The following RBFOX3 variants were observed in gnomAD, a reference collection of about 807,000 sequenced individuals.
RBFOX3 encodes the protein RNA binding fox-1 homolog 3, also known as RNA binding protein fox-1 homolog 3.
A neutral mutation model predicts 48.7 loss-of-function variants in RBFOX3; 17 were observed. The ratio of observed to expected loss-of-function variants is 0.35; its 90% CI spans 0.24 to 0.52. The LOEUF is 0.52. RBFOX3 is among the 20% of genes least tolerant of loss of function. RBFOX3 has a pLI of 0.94. For synonymous variants in RBFOX3, 212 were observed against 209.5 expected (o/e 1.01, Z -0.10); for missense variants, 382 against 497.5 (o/e 0.77, Z 2.21).
At chr17:79,324,839 G>A (rs933545092) in intron 2 of RBFOX3, among the ~76,000 whole-genome samples, 2 of 152,194 alleles carry the variant, frequency 1.3e-5, no homozygotes, top group African/African-American at 2.4e-5. Context: ...TCAGCCTCTG[G>A]GCAGGCAGAG....
intron 1 of RBFOX3, among the ~76,000 whole-genome samples, chr17:79,521,800 C>G (rs980279550): frequency 1.3e-5 from 2 of 152,246 alleles, no homozygotes; most frequent in Non-Finnish European, 2.9e-5. Flanking sequence ...CAAAAACACA[C>G]AGTCACACAT....
the RBFOX3 span, among the ~76,000 whole-genome samples, chr17:79,616,978 G>A: frequency 6.6e-6 from 1 of 152,136 alleles, no homozygotes; most frequent in East Asian, 1.9e-4. Flanking sequence ...GAAGAGAGGT[G>A]TTCGGCCCTC....
At chr17:79,342,127 G>C (rs778234166) in intron 2 of RBFOX3, among the ~76,000 whole-genome samples, 1 of 152,210 alleles carries the variant, frequency 6.6e-6, no homozygotes, top group Non-Finnish European at 1.5e-5. Context: ...CTCGTGTTTA[G>C]GGCCTTTGCT....
intron 3 of RBFOX3, among the ~76,000 whole-genome samples, chr17:79,304,105 T>C (rs990421271): frequency 2.6e-5 from 4 of 152,172 alleles, no homozygotes; most frequent in African/African-American, 9.6e-5. Flanking sequence ...CTAACTCCTG[T>C]TTGGAAAATT....
At chr17:79,468,120 A>G (rs1004444784) in intron 2 of RBFOX3, among the ~76,000 whole-genome samples, 1 of 152,152 alleles carries the variant, frequency 6.6e-6, no homozygotes, top group Non-Finnish European at 1.5e-5. Context: ...GCCAGGAAAC[A>G]TGACTTTGAC....
intron 4 of RBFOX3, among the ~76,000 whole-genome samples, chr17:79,130,886 T>C (rs1213609534): frequency 6.6e-6 from 1 of 152,200 alleles, no homozygotes; most frequent in East Asian, 1.9e-4. Flanking sequence ...AAATTCCTCA[T>C]CAGTGAAGAT....
the RBFOX3 span, among the ~76,000 whole-genome samples, chr17:79,620,579 A>C: frequency 1.1e-4 from 10 of 88,660 alleles, no homozygotes; most frequent in East Asian, 5.2e-4. Flanking sequence ...GCGTGCACAC[A>C]CGCACGCACA....
chr17:79,506,401 C>T (rs890707239), intron 1 of RBFOX3, among the ~76,000 whole-genome samples: 5,632 of 152,332 alleles, frequency 0.037, 140 homozygotes, highest in Middle Eastern at 0.11. Context: ...AAATTCAAGG[C>T]GATGCCGAGC....
chr17:79,634,812 C>T, the RBFOX3 span, among the ~76,000 whole-genome samples: 1 of 152,050 alleles, frequency 6.6e-6, no homozygotes, highest in Non-Finnish European at 1.5e-5. Flanking sequence ...GTAATCCCAG[C>T]ACTTTGGGAG....
At chr17:79,612,883 G>A (rs1416016123), upstream of RBFOX3, among the ~76,000 whole-genome samples, 10 of 152,156 alleles carry the variant, frequency 6.6e-5, no homozygotes, top group Admixed American at 4.6e-4. Flanking sequence ...TGCCGGCAGT[G>A]CCCCCTGTCG....
chr17:79,345,774 C>T (rs1439171624), intron 2 of RBFOX3, among the ~76,000 whole-genome samples: 2 of 152,098 alleles, frequency 1.3e-5, no homozygotes, highest in East Asian at 3.8e-4. Context: ...TTCTTAAAGA[C>T]TTCACTTTTT....
chr17:79,387,336 C>T (rs1029772504), intron 2 of RBFOX3, among the ~76,000 whole-genome samples: 3 of 152,214 alleles, frequency 2.0e-5, no homozygotes, highest in Admixed American at 6.5e-5. Flanking sequence ...TAAGAAAAAT[C>T]GGTCCTATTA....
At chr17:79,451,041 G>A (rs1243887003) in intron 2 of RBFOX3, among the ~76,000 whole-genome samples, 1 of 152,112 alleles carries the variant, frequency 6.6e-6, no homozygotes, top group African/African-American at 2.4e-5. Flanking sequence ...TGGGGGGCCC[G>A]ATGGCTCACC....
chr17:79,108,802 G>A (rs1228674007), intron 5 of RBFOX3, among the ~76,000 whole-genome samples: 1 of 152,206 alleles, frequency 6.6e-6, no homozygotes, highest in Non-Finnish European at 1.5e-5. Flanking sequence ...GGCTGCGCAG[G>A]GTGGTGGAGG....
rs887554122 is a variant in RBFOX3 at position 79,212,057 on chromosome 17, C to A, written c.-34+23709G>T. ...GGTCTTGGAAGACAACCAGCCAGCA[C>A]CCTCCCTCCTGGAGTCCCGCTGCAT... On this transcript the variant is annotated intron_variant, in intron 4 of 14. Transcript: ENST00000693108. The surrounding 1 kb of genome is among the most constrained non-coding windows in gnomAD (Gnocchi z 4.7). Among the ~76,000 whole-genome samples, 3 of 152,216 alleles carry A rather than the reference C, an allele frequency of 2.0e-5. No homozygotes were observed. Among genetic ancestry groups the A allele is most frequent in the African/African-American group, 7.2e-5 (3 of 41,462 alleles).
At chr17:79,622,575 C>T in the RBFOX3 span, among the ~76,000 whole-genome samples, 7 of 152,244 alleles carry the variant, frequency 4.6e-5, no homozygotes, top group South Asian at 2.1e-4. Flanking sequence ...GTCAGCAGGA[C>T]GGCTTCCTTC....
intron 9 of RBFOX3, chr17:79,098,983 C>G (rs574889698): frequency 6.6e-6 from 1 of 152,296 alleles, no homozygotes; most frequent in Non-Finnish European, 1.5e-5. Flanking sequence ...GACGGAGGGT[C>G]GGGGTATGTT....
chr17:79,141,800 G>GC (rs1173490972), intron 4 of RBFOX3, among the ~76,000 whole-genome samples: 1 of 152,082 alleles, frequency 6.6e-6, no homozygotes, highest in Non-Finnish European at 1.5e-5. Flanking sequence ...ACGACACAGT[G>GC]CCCCCCGGTC....
intron 4 of RBFOX3, among the ~76,000 whole-genome samples, chr17:79,118,494 G>C (rs1319186179): frequency 6.6e-6 from 1 of 152,152 alleles, no homozygotes; most frequent in African/African-American, 2.4e-5. Context: ...AGAGCATCTA[G>C]AACCCAGGAT....
Sources: allele counts gnomAD v4.1 joint callset (sites outside exome capture counted in the v4.1 genomes callset), GRCh38; gene constraint gnomAD v4.1.1; non-coding constraint Gnocchi (gnomAD v3.1); transcripts MANE v1.5; gene names NCBI Gene and HGNC (gene_info 2026-07-23, HGNC 2026-07-21).